Variants in SECISBP2 observed in about 807,000 individuals in gnomAD.
The protein encoded by SECISBP2 is SECIS binding protein 2, also known as selenocysteine insertion sequence-binding protein 2.
In SECISBP2, 96 loss-of-function variants were observed where a neutral mutation model predicts 98.2. That is an observed-to-expected ratio of 0.98 (90% CI 0.83 to 1.16). The LOEUF is 1.16. Among genes scored for constraint, SECISBP2 ranks in the 50% most tolerant of loss-of-function variants. SECISBP2 has a pLI of 0.00. For missense variants in SECISBP2, 1,046 were observed against 1,022.9 expected (o/e 1.02, Z -0.31); for synonymous variants, 407 against 370.2 (o/e 1.10, Z -1.14).
chr9:89,348,314 T>C, intron 12 of SECISBP2, 100 bp downstream of exon 12: 4 of 1,388,714 alleles, frequency 2.9e-6, no homozygotes, highest in Non-Finnish European at 4.1e-6. Context: ...GGCTGACTCC[T>C]CTTCCTTTTG....
chr9:89,343,708 A>T (rs916610618), intron 10 of SECISBP2, among the ~76,000 whole-genome samples: 3 of 152,234 alleles, frequency 2.0e-5, no homozygotes, highest in African/African-American at 7.2e-5. Context: ...TCCATGGTGT[A>T]TATGTACCAC....
At chr9:89,352,354 T>G (rs1259251382) in intron 14 of SECISBP2, among the ~76,000 whole-genome samples, 1 of 152,130 alleles carries the variant, frequency 6.6e-6, no homozygotes, top group East Asian at 1.9e-4. Flanking sequence ...CAATAAGGTG[T>G]TGTTTATGGA....
In SECISBP2 at chr9:89,328,770, G is replaced by T. The variant is rs765364217; in HGVS notation, c.685G>T (p.Ala229Ser). The T allele has an allele frequency of 3.1e-6, 5 of 1,614,170 alleles. No individual in the cohort carries two copies. The highest frequency in any genetic ancestry group is 4.2e-6 in the Non-Finnish European group (5 of 1,179,990). ...TTLDFPELQG[A>S]ENNMSEIQKQ... is the part of the protein sequence containing the mutation. ...ACTGGACTTTCCTGAACTGCAAGGT[G>T]CAGAGAACAATATGTCAGAGATACA... Residue 229 changes from alanine to serine, a missense_variant, in exon 5 of 17, where the codon GCA becomes TCA. By Grantham distance (99) the Ala-to-Ser change is moderately conservative. Transcript: ENST00000375807.
downstream of SECISBP2, chr9:89,363,734 CACTT>C: frequency 2.5e-6 from 4 of 1,610,706 alleles, no homozygotes; most frequent in East Asian, 2.2e-5. Flanking sequence ...GCATGGGAAT[CACTT>C]ACCAGGTCTC....
At chr9:89,353,332 G>T (rs1251986677) in intron 14 of SECISBP2, among the ~76,000 whole-genome samples, 1 of 152,172 alleles carries the variant, frequency 6.6e-6, no homozygotes, top group African/African-American at 2.4e-5. Context: ...CTCCCCTAGG[G>T]CTGGTCACAT....
intron 14 of SECISBP2, among the ~76,000 whole-genome samples, chr9:89,351,728 C>A (rs1011734886): frequency 6.6e-6 from 1 of 152,186 alleles, no homozygotes; most frequent in Non-Finnish European, 1.5e-5. Flanking sequence ...GCCAGCAGCT[C>A]GTCCCTGTCC....
In SECISBP2 at chr9:89,353,314, G is replaced by A. The variant is rs1010312269; in HGVS notation, c.2113+2462G>A. On this transcript the variant is annotated intron_variant, in intron 14 of 16. Transcript: ENST00000375807. ...TTCCATGTTGGAAGTGCCCCTGGGT[G>A]TCTCTGTCTCCCCTAGGGCTGGTCA... 1.4e-4 allele frequency among the ~76,000 whole-genome samples: 21 copies of A among 152,306 alleles called. 1 individual carries two copies. The East Asian group carries it at 4.0e-3, about 29-fold the overall frequency.
At chr9:89,347,087 AC>A in intron 11 of SECISBP2, 39 bp downstream of exon 11, 1 of 1,596,672 alleles carries the variant, frequency 6.3e-7, no homozygotes, top group Non-Finnish European at 8.6e-7. Flanking sequence ...GCACTAGAAA[AC>A]TTAGTCTCAC....
chr9:89,356,378 A>G (rs1271360563), intron 14 of SECISBP2: 1 of 152,216 alleles, frequency 6.6e-6, no homozygotes. Context: ...AAAGTGTTAG[A>G]TTAATGTGGA....
At chr9:89,337,380 T>C (rs1175626447) in intron 7 of SECISBP2, among the ~76,000 whole-genome samples, 1 of 152,224 alleles carries the variant, frequency 6.6e-6, no homozygotes. Flanking sequence ...ACAGAAATGA[T>C]AAGTGTAACA....
intron 1 of SECISBP2, chr9:89,318,951 A>G (rs931396066): frequency 4.3e-6 from 5 of 1,151,638 alleles, no homozygotes; most frequent in Admixed American, 4.8e-5. Context: ...AGATTGTTTT[A>G]AAGGATCCTG....
chr9:89,362,330 G>A, downstream of SECISBP2: 1 of 1,613,764 alleles, frequency 6.2e-7, no homozygotes, highest in Non-Finnish European at 8.5e-7. Flanking sequence ...GCCTTCTCCG[G>A]GGGTGGCTGT....
chr9:89,325,147 G>T (rs1273067045), intron 2 of SECISBP2: 1 of 430,164 alleles, frequency 2.3e-6, no homozygotes. Flanking sequence ...CCAAATACTT[G>T]GTAGCAATTG....
the SECISBP2 span, among the ~76,000 whole-genome samples, chr9:89,366,866 C>CT: frequency 6.6e-6 from 1 of 152,178 alleles, no homozygotes; most frequent in Admixed American, 6.5e-5. Context: ...ACTGGAGTCA[C>CT]TGAGTCACAG....
Position 89,347,012 on chromosome 9 carries a change from G to A in SECISBP2, c.1566G>A (p.Glu522=). 1 of 1,614,212 alleles carries A rather than the reference G, an allele frequency of 6.2e-7. No individual in the cohort carries two copies. The highest frequency in any genetic ancestry group is 8.5e-7 in the Non-Finnish European group (1 of 1,180,026). ...APLMKKGKQR[E]IPKAKKPTSL... Reference sequence around the variant, plus strand: ...TGATGAAGAAAGGGAAGCAGAGGGAGATCCCCAAGGCCAAGAAGCCAACCT... The same window carrying A: ...TGATGAAGAAAGGGAAGCAGAGGGAAATCCCCAAGGCCAAGAAGCCAACCT... The change falls in exon 11 of 17, where the codon GAG becomes GAA. Residue 522 remains glutamate, a synonymous_variant. Transcript: ENST00000375807.
At chr9:89,363,707 T>A, downstream of SECISBP2, 1 of 1,602,912 alleles carries the variant, frequency 6.2e-7, no homozygotes, top group South Asian at 1.1e-5. Flanking sequence ...AATTACCTCA[T>A]AAAAGGGTAA....
Position 89,328,739 on chromosome 9 carries a change from T to C in SECISBP2, c.654T>C (p.Phe218=). ...NVSTSKPEFE[F]TTLDFPELQG... is the part of the protein sequence containing the mutation. ...CTACCTCCAAACCTGAGTTTGAATT[T>C]ACCACACTGGACTTTCCTGAACTGC... Residue 218 remains phenylalanine, a synonymous_variant, in exon 5 of 17, where the codon TTT becomes TTC. Coordinates refer to ENST00000375807, the MANE Select transcript of SECISBP2 (RefSeq NM_024077.5). 5 of 1,614,238 alleles carry C rather than the reference T, an allele frequency of 3.1e-6. No homozygotes were observed. Among genetic ancestry groups the C allele is most frequent in the Non-Finnish European group, 4.2e-6 (5 of 1,180,038 alleles).
At chr9:89,321,944 A>G (rs1160077915) in intron 2 of SECISBP2, among the ~76,000 whole-genome samples, 2 of 152,252 alleles carry the variant, frequency 1.3e-5, no homozygotes, top group Non-Finnish European at 2.9e-5. Context: ...CAAAAGGAAT[A>G]GAAGTTTCTG....
At chr9:89,323,546 C>G (rs1014001826) in intron 2 of SECISBP2, 24 of 152,516 alleles carry the variant, frequency 1.6e-4, no homozygotes, top group African/African-American at 5.8e-4. Flanking sequence ...ACCTGGAAGC[C>G]GTTGGTGGGA....
Sources: gnomAD v4.1 joint callset for allele counts (sites outside exome capture counted in the v4.1 genomes callset) on GRCh38, gnomAD v4.1.1 for gene constraint, MANE v1.5 for transcripts, NCBI Gene and HGNC (gene_info 2026-07-23, HGNC 2026-07-21) for gene names.